COL5A2: variants seen among roughly 807,000 people sequenced by gnomAD.
COL5A2 encodes collagen alpha-2(V) chain.
In COL5A2, 23 loss-of-function variants were observed where a neutral mutation model predicts 208.2. That is an observed-to-expected ratio of 0.11 (90% CI 0.08 to 0.16). The LOEUF (loss-of-function observed/expected upper bound fraction) is 0.16. Among genes scored for constraint, COL5A2 ranks in the 10% least tolerant of loss-of-function variants. COL5A2 has a pLI of 1.00. For missense variants in COL5A2, 1,590 were observed against 1,956.4 expected, an observed-to-expected ratio of 0.81 and a Z score of 3.53; for synonymous variants, 625 against 628.5, an observed-to-expected ratio of 0.99 and a Z score of 0.08.
chr2:189,318,621 T>C, the COL5A2 span, among the ~76,000 whole-genome samples: 1 of 152,316 alleles, frequency 6.6e-6, no homozygotes, highest in South Asian at 2.1e-4. Flanking sequence ...GATAGGTAAA[T>C]GGTATTTTGA....
chr2:189,157,687 A>T (rs1186154861), intron 1 of COL5A2, among the ~76,000 whole-genome samples: 1 of 152,026 alleles, frequency 6.6e-6, no homozygotes, highest in East Asian at 1.9e-4. Context: ...CTAATTCTTC[A>T]GTGGAATTAA....
At chr2:189,170,409 C>T (rs928333433) in intron 1 of COL5A2, among the ~76,000 whole-genome samples, 4 of 152,154 alleles carry the variant, frequency 2.6e-5, no homozygotes, top group African/African-American at 9.7e-5. Flanking sequence ...CACAAACACA[C>T]TTGCAACATA....
chr2:189,440,589 G>A, the COL5A2 span, among the ~76,000 whole-genome samples: 1 of 152,180 alleles, frequency 6.6e-6, no homozygotes, highest in Admixed American at 6.5e-5. Flanking sequence ...TTGAGACCTT[G>A]GTAATTTTGT....
chr2:189,341,849 A>T, the COL5A2 span, among the ~76,000 whole-genome samples: 1 of 152,312 alleles, frequency 6.6e-6, no homozygotes, highest in East Asian at 1.9e-4. Flanking sequence ...AAACACAACT[A>T]AAATAATTTG....
chr2:189,220,122 G>A (rs1689329221), intron 1 of COL5A2, among the ~76,000 whole-genome samples: 1 of 152,148 alleles, frequency 6.6e-6, no homozygotes, highest in South Asian at 2.1e-4. Context: ...GACCTCAGGT[G>A]AAGAGACACT....
At chr2:189,088,814 C>G in intron 7 of COL5A2, 42 bp from the exon 8 acceptor site, 2 of 1,444,154 alleles carry the variant, frequency 1.4e-6, no homozygotes, top group Non-Finnish European at 2.0e-6. Context: ...CAGTAAAAGA[C>G]ATACATCAAC....
At chr2:189,313,631 A>C in the COL5A2 span, among the ~76,000 whole-genome samples, 3 of 152,340 alleles carry the variant, frequency 2.0e-5, no homozygotes, top group African/African-American at 7.2e-5. Context: ...TACACCAATT[A>C]AAAGACACAG....
At chr2:189,093,057 G>C (rs527730681) in intron 6 of COL5A2, among the ~76,000 whole-genome samples, 2 of 152,260 alleles carry the variant, frequency 1.3e-5, no homozygotes, top group South Asian at 4.2e-4. Context: ...AGACCATTGA[G>C]AAATTAGAGG....
chr2:189,440,591 T>C, the COL5A2 span, among the ~76,000 whole-genome samples: 1 of 152,248 alleles, frequency 6.6e-6, no homozygotes, highest in South Asian at 2.1e-4. Context: ...GAGACCTTGG[T>C]AATTTTGTGG....
At chr2:189,384,488 G>A in the COL5A2 span, among the ~76,000 whole-genome samples, 1 of 152,068 alleles carries the variant, frequency 6.6e-6, no homozygotes, top group Admixed American at 6.6e-5. Context: ...GTTTTGATGT[G>A]CACTTCTCTG....
chr2:189,189,970 A>G (rs942799348), intron 1 of COL5A2, among the ~76,000 whole-genome samples: 20 of 152,184 alleles, frequency 1.3e-4, no homozygotes, highest in African/African-American at 3.1e-4. Flanking sequence ...CTAAATATAC[A>G]TGCAAAAAAA....
chr2:189,288,480 T>C, the COL5A2 span, among the ~76,000 whole-genome samples: 1 of 151,936 alleles, frequency 6.6e-6, no homozygotes, highest in African/African-American at 2.4e-5. Context: ...CTAGAAGAAA[T>C]AAATTCCTAG....
chr2:189,291,928 T>C, the COL5A2 span, among the ~76,000 whole-genome samples: 2 of 152,198 alleles, frequency 1.3e-5, no homozygotes, highest in Admixed American at 6.5e-5. Context: ...TTGGATTTTC[T>C]CTATGTTATA....
At chr2:189,361,450 T>C in the COL5A2 span, among the ~76,000 whole-genome samples, 2 of 152,140 alleles carry the variant, frequency 1.3e-5, no homozygotes, top group Non-Finnish European at 2.9e-5. Context: ...TTGGTTTCCA[T>C]TTGCATGGAA....
At chr2:189,129,815 G>A (rs188355034) in intron 1 of COL5A2, among the ~76,000 whole-genome samples, 281 of 152,122 alleles carry the variant, frequency 1.8e-3, no homozygotes, top group African/African-American at 6.1e-3. Context: ...GAGGTTTACC[G>A]TAATATAAAG....
At chr2:189,285,172 G>A in the COL5A2 span, among the ~76,000 whole-genome samples, 5 of 151,006 alleles carry the variant, frequency 3.3e-5, no homozygotes, top group Non-Finnish European at 5.9e-5. Context: ...CACAGAGCAA[G>A]GCAGTATGAA....
chr2:189,047,120 CAAA>C (rs57456004), intron 45 of COL5A2, among the ~76,000 whole-genome samples: 8 of 109,346 alleles, frequency 7.3e-5, no homozygotes, highest in Admixed American at 2.9e-4. Flanking sequence ...GACTCTGTCT[CAAA>C]AAAAAAAAAA....
chr2:189,416,745 G>A, the COL5A2 span, among the ~76,000 whole-genome samples: 2 of 152,206 alleles, frequency 1.3e-5, no homozygotes, highest in African/African-American at 4.8e-5. Context: ...TCCTTTTATA[G>A]TATCTGTTAT....
At chr2:189,079,173 G>C (rs1686479743) in intron 14 of COL5A2, 66 bp from the exon 15 acceptor site, 1 of 1,216,748 alleles carries the variant, frequency 8.2e-7, no homozygotes, top group Non-Finnish European at 1.2e-6. Flanking sequence ...TTTGTTCTGT[G>C]TGTGTAATTT....
Sources: gnomAD v4.1 joint callset for allele counts (sites outside exome capture counted in the v4.1 genomes callset) on GRCh38, gnomAD v4.1.1 for gene constraint, MANE v1.5 for transcripts, NCBI Gene and HGNC (gene_info 2026-07-23, HGNC 2026-07-21) for gene names.